Variants in SLC66A3 observed in about 807,000 individuals in gnomAD.
SLC66A3 encodes solute carrier family 66 member 3.
SLC66A3 carries 23 observed loss-of-function variants against 25.5 expected under a neutral mutation model. The observed-to-expected ratio is 0.90, with a 90% confidence interval of 0.65 to 1.28. The LOEUF is 1.28. Ranked by LOEUF, SLC66A3 falls within the 50% of genes most tolerant of loss-of-function variation. The pLI is 0.00. For synonymous variants in SLC66A3, 108 were observed against 112.6 expected (o/e 0.96, Z 0.26); for missense variants, 246 against 262.1 (o/e 0.94, Z 0.42).
chr2:11,176,640 T>C (rs1486581142), intron 6 of SLC66A3, among the ~76,000 whole-genome samples: 1 of 141,894 alleles, frequency 7.0e-6, no homozygotes. Flanking sequence ...GCCATTCTCC[T>C]GCCTCAGCCT....
At chr2:11,164,347 T>A (rs187433461) in intron 4 of SLC66A3, 86 bp downstream of exon 4, 1,583 of 72,850 alleles carry the variant, frequency 0.022, 89 homozygotes, top group African/African-American at 0.12. Flanking sequence ...ATATATATAT[T>A]TTTTTTTTTT....
chr2:11,164,211 T>C lies in SLC66A3; in HGVS notation c.304T>C (p.Ser102Pro). Residue 102 changes from serine to proline, a missense_variant, in exon 4 of 7, where the codon TCT (serine) becomes CCT (proline). By Grantham distance (74) the Ser-to-Pro change is moderately conservative (BLOSUM62 -1). This residue lies in a region of SLC66A3 where 11 missense variants were observed against 29.2 expected (regional missense o/e 0.38). Transcript: ENST00000295083. ...CCCTTAGCACTTGGTAAGATTGGTGTCTTCTTGGTTCATCCTTGCCCTGCA... is the reference window on the plus strand; with the variant it reads ...CCCTTAGCACTTGGTAAGATTGGTGCCTTCTTGGTTCATCCTTGCCCTGCA... ...QATPYIAVLV[S>P]SWFILALQKW... 6.3e-7 allele frequency: 1 copy of C among 1,580,640 alleles called. No individual in the cohort carries two copies. Among genetic ancestry groups the C allele is most frequent in the Non-Finnish European group, 8.6e-7 (1 of 1,164,754 alleles).
intron 5 of SLC66A3, among the ~76,000 whole-genome samples, chr2:11,174,549 T>G (rs898189190): frequency 2.0e-5 from 3 of 151,974 alleles, no homozygotes; most frequent in Non-Finnish European, 4.4e-5. Context: ...CAGGCTGGAG[T>G]CAATTGGCGC....
At chr2:11,162,556 G>A (rs1024469838) in intron 3 of SLC66A3, among the ~76,000 whole-genome samples, 4 of 152,142 alleles carry the variant, frequency 2.6e-5, no homozygotes, top group Non-Finnish European at 5.9e-5. Flanking sequence ...TGTGACTTAC[G>A]GAGAGCGAAA....
At chr2:11,176,931 G>C (rs189303969) in intron 6 of SLC66A3, among the ~76,000 whole-genome samples, 1 of 152,130 alleles carries the variant, frequency 6.6e-6, no homozygotes, top group Non-Finnish European at 1.5e-5. Flanking sequence ...GAGTGTATCC[G>C]TACCTTAAAG....
intron 4 of SLC66A3, among the ~76,000 whole-genome samples, chr2:11,171,481 T>C (rs1385313393): frequency 6.6e-6 from 1 of 152,174 alleles, no homozygotes; most frequent in Non-Finnish European, 1.5e-5. Context: ...GCATTACTTT[T>C]CACTAAACTT....
intron 3 of SLC66A3, among the ~76,000 whole-genome samples, chr2:11,161,329 G>A (rs1415434815): frequency 6.6e-6 from 1 of 151,880 alleles, no homozygotes; most frequent in Non-Finnish European, 1.5e-5. Flanking sequence ...CCTAGGCTGG[G>A]TTGCAGTGGT....
At chr2:11,165,851 CA>C (rs141134602) in intron 4 of SLC66A3, among the ~76,000 whole-genome samples, 48,561 of 151,708 alleles carry the variant, frequency 0.32, 8,285 homozygotes, top group East Asian at 0.53. Flanking sequence ...CTGTCTCCAC[CA>C]AAAAAATACG....
chr2:11,173,695 T>A (rs893664970), intron 5 of SLC66A3, among the ~76,000 whole-genome samples: 1 of 152,184 alleles, frequency 6.6e-6, no homozygotes, highest in Non-Finnish European at 1.5e-5. Flanking sequence ...TTTGACAGGC[T>A]GGTTTTGGGC....
chr2:11,162,934 A>G (rs1228755018), intron 3 of SLC66A3, among the ~76,000 whole-genome samples: 2 of 152,170 alleles, frequency 1.3e-5, no homozygotes, highest in African/African-American at 4.8e-5. Context: ...ATTGCTTGGG[A>G]TATACTTCTA....
intron 1 of SLC66A3, among the ~76,000 whole-genome samples, chr2:11,157,495 C>A (rs1321404122): frequency 6.6e-6 from 1 of 152,172 alleles, no homozygotes; most frequent in Non-Finnish European, 1.5e-5. Context: ...CATGCCCTTC[C>A]CAGCCTTGCC....
chr2:11,177,885 A>C lies in SLC66A3; in HGVS notation c.*57A>C, dbSNP rs907848743. 2.3e-5 allele frequency: 24 copies of C among 1,041,798 alleles called. No individual in the cohort carries two copies. Among genetic ancestry groups the C allele is most frequent in the Non-Finnish European group, 3.0e-5 (21 of 691,360 alleles). The allele number at this position is 1,041,798 out of a possible 1,614,324, so 64.5% of individuals were successfully genotyped here. A position where few individuals can be genotyped will look rare whatever the true frequency, so the allele number is the denominator to read the frequency against. ...TGAGTAACTGAACCAAAGGAAAAAG[A>C]AGCTCTTTGCTAAATTAAGGTCTTT... On this transcript the variant is annotated 3_prime_UTR_variant, in exon 7 of 7. Transcript: ENST00000295083.
chr2:11,173,977 C>T (rs1662642994), intron 5 of SLC66A3, among the ~76,000 whole-genome samples: 1 of 152,162 alleles, frequency 6.6e-6, no homozygotes, highest in Admixed American at 6.5e-5. Flanking sequence ...TTTTTTGAGA[C>T]AGAGTTTCGC....
At position 11,178,234 on chromosome 2, in the gene SLC66A3, C is replaced by T. The variant is rs1662837339; in HGVS notation, c.*406C>T. The T allele has an allele frequency of 6.3e-6, 1 of 159,858 alleles. No homozygotes were observed. The highest frequency in any genetic ancestry group is 1.4e-5 in the Non-Finnish European group (1 of 73,166). The allele number at this position is 159,858 out of a possible 1,614,324, so 9.9% of individuals were successfully genotyped here. On this transcript the variant is annotated 3_prime_UTR_variant, in exon 7 of 7. Transcript: ENST00000295083. ...AACATGAATGGAGTGGCATTTTGTTCCAAGTCAGAGGTGGGCACCTATAAT... is the reference window on the plus strand; with the variant it reads ...AACATGAATGGAGTGGCATTTTGTTTCAAGTCAGAGGTGGGCACCTATAAT...
At chr2:11,170,086 C>T (rs558475083) in intron 4 of SLC66A3, among the ~76,000 whole-genome samples, 21 of 152,284 alleles carry the variant, frequency 1.4e-4, no homozygotes, top group African/African-American at 4.6e-4. Flanking sequence ...ATCTGCCCGC[C>T]TCGGCCTCCC....
chr2:11,171,848 G>A, intron 4 of SLC66A3, 77 bp from the exon 5 acceptor site: 8 of 1,527,350 alleles, frequency 5.2e-6, no homozygotes, highest in Non-Finnish European at 7.2e-6. Flanking sequence ...AATTACAGGT[G>A]TGAGCCACCG....
chr2:11,160,828 A>T, intron 3 of SLC66A3, 134 bp downstream of exon 3: 1 of 1,338,840 alleles, frequency 7.5e-7, no homozygotes. Flanking sequence ...AAAATCCCAA[A>T]TGCAAACGTG....
At chr2:11,160,006 C>T (rs1474247759) in intron 1 of SLC66A3, among the ~76,000 whole-genome samples, 4 of 152,220 alleles carry the variant, frequency 2.6e-5, no homozygotes, top group Non-Finnish European at 4.4e-5. Context: ...ACCCCCGCAT[C>T]CAGGGATGGT....
intron 4 of SLC66A3, among the ~76,000 whole-genome samples, chr2:11,165,922 A>G (rs1572185492): frequency 6.6e-6 from 1 of 152,218 alleles, no homozygotes; most frequent in African/African-American, 2.4e-5. Context: ...AGGCTGAGGC[A>G]GGAGAATCAG....
Sources: gnomAD v4.1 joint callset for allele counts (sites outside exome capture counted in the v4.1 genomes callset) on GRCh38, gnomAD v4.1.1 for gene constraint, gnomAD v4.1.1 regional missense constraint, MANE v1.5 for transcripts, NCBI Gene and HGNC (gene_info 2026-07-23, HGNC 2026-07-21) for gene names.